The following BCAS3 variants were observed in gnomAD, a reference collection of about 807,000 sequenced individuals.
The protein encoded by BCAS3 is BCAS3 microtubule associated cell migration factor.
In BCAS3, 53 loss-of-function variants were observed where a neutral mutation model predicts 116.1. The observed-to-expected ratio is 0.46, with a 90% confidence interval of 0.37 to 0.57. The LOEUF is 0.57. BCAS3 is among the 20% of genes least tolerant of loss of function. The probability of loss-of-function intolerance (pLI) is 0.00; values close to 1 mark genes in which losing one functional copy is unlikely to be tolerated. For synonymous variants in BCAS3, 391 were observed against 408.2 expected (o/e 0.96, Z 0.51); for missense variants, 917 against 1,165.4 (o/e 0.79, Z 3.10).
intron 7 of BCAS3, among the ~76,000 whole-genome samples, chr17:60,857,627 A>G (rs2053790522): frequency 6.6e-6 from 1 of 152,186 alleles, no homozygotes; most frequent in Non-Finnish European, 1.5e-5. Flanking sequence ...CAGCCTGCCC[A>G]TGAGGAAAAT....
At chr17:60,813,517 T>C (rs568942197) in intron 7 of BCAS3, among the ~76,000 whole-genome samples, 1 of 152,238 alleles carries the variant, frequency 6.6e-6, no homozygotes, top group Non-Finnish European at 1.5e-5. Context: ...TATTAGATAT[T>C]TGTTGGGTGC....
intron 6 of BCAS3, among the ~76,000 whole-genome samples, chr17:60,803,049 G>A (rs1425456850): frequency 6.7e-6 from 1 of 149,052 alleles, no homozygotes; most frequent in Non-Finnish European, 1.5e-5. Flanking sequence ...ACTTACAAGT[G>A]CCCACCTAAA....
intron 6 of BCAS3, among the ~76,000 whole-genome samples, chr17:60,802,716 ACTGCAAACTCTG>A (rs1278169230): frequency 3.3e-5 from 5 of 152,254 alleles, no homozygotes; most frequent in Admixed American, 2.6e-4. Context: ...GTCTGGGCTC[ACTGCAAACTCTG>A]CCTCCTGGGT....
chr17:61,183,494 A>G (rs995657788), intron 22 of BCAS3, among the ~76,000 whole-genome samples: 1 of 152,118 alleles, frequency 6.6e-6, no homozygotes, highest in African/African-American at 2.4e-5. Context: ...ACTCATAAAC[A>G]TATGTTTGTT....
chr17:60,967,913 T>C lies in BCAS3; in HGVS notation c.1221+20561T>C, dbSNP rs2061743528. The stretch of plus-strand genomic sequence containing the variant: ...ATTTTTTCCCAATCTCTTTGTTAAA[T>C]TTCTCTGATAAATTTCTGAATTGCT... On this transcript the variant is annotated intron_variant, in intron 14 of 23. Coordinates refer to ENST00000407086, the MANE Select transcript of BCAS3 (RefSeq NM_017679.5). This position sits in a 1 kb window ranked among gnomAD's most constrained non-coding sequence, Gnocchi z 4.7. Among the ~76,000 whole-genome samples, 1 of 152,198 alleles carries C rather than the reference T, an allele frequency of 6.6e-6. No individual in the cohort carries two copies. Among genetic ancestry groups the C allele is most frequent in the Non-Finnish European group, 1.5e-5 (1 of 68,040 alleles).
In BCAS3 at chr17:61,038,051, T is replaced by C; in HGVS notation, c.1925T>C (p.Val642Ala). Reference protein sequence around the residue: ...MTSPRASWTLVRTPQWNELQP... With the variant: ...MTSPRASWTLARTPQWNELQP... ...TCGCCTCGAGCCAGCTGGACTCTGG[T>C]TAGGTAGTACCTCTTTTCTTTTTTT... Residue 642 changes from valine (V) to alanine (A), a missense_variant, in exon 18 of 24, where the codon GTT (valine) becomes GCT (alanine). This residue lies in a region of BCAS3 where 807 missense variants were observed against 1,026.0 expected (regional missense o/e 0.79). Transcript: ENST00000407086. 6.2e-7 allele frequency: 1 copy of C among 1,613,352 alleles called. No individual in the cohort carries two copies. The highest frequency in any genetic ancestry group is 8.5e-7 in the Non-Finnish European group (1 of 1,179,680).
intron 14 of BCAS3, among the ~76,000 whole-genome samples, chr17:60,949,345 C>T (rs2060706120): frequency 6.6e-6 from 1 of 152,136 alleles, no homozygotes; most frequent in Non-Finnish European, 1.5e-5. Context: ...ACAGCCTTGA[C>T]CTCCTGGGCT....
intron 8 of BCAS3, 35 bp from the exon 9 acceptor site, chr17:60,874,627 T>C: frequency 6.7e-7 from 1 of 1,485,184 alleles, no homozygotes; most frequent in Non-Finnish European, 9.4e-7. Flanking sequence ...CATTCACTTT[T>C]TTTCTTTCTG....
chr17:61,091,362 T>C (rs1032844207), intron 22 of BCAS3, among the ~76,000 whole-genome samples: 1 of 152,252 alleles, frequency 6.6e-6, no homozygotes, highest in Non-Finnish European at 1.5e-5. Context: ...CTGGACTGTT[T>C]ATGTAGTCTG....
chr17:60,904,800 T>G (rs1277147150), intron 11 of BCAS3, among the ~76,000 whole-genome samples: 5 of 152,210 alleles, frequency 3.3e-5, no homozygotes, highest in Non-Finnish European at 7.3e-5. Flanking sequence ...GTCACTGCAA[T>G]CTGTTTACTT....
chr17:60,725,835 GT>G (rs35087520), intron 5 of BCAS3, among the ~76,000 whole-genome samples: 2 of 151,176 alleles, frequency 1.3e-5, no homozygotes, highest in East Asian at 1.9e-4. Context: ...CTGGGGGAGG[GT>G]TTTTTTTTCT....
chr17:60,925,642 G>A (rs1429262769), intron 13 of BCAS3, among the ~76,000 whole-genome samples: 1 of 152,022 alleles, frequency 6.6e-6, no homozygotes, highest in Non-Finnish European at 1.5e-5. Flanking sequence ...TATAGAAAAC[G>A]TTTTCTCTCA....
rs1182924023 is a variant in BCAS3, at chr17:61,287,849, T to C, written c.2426-80478T>C. The stretch of plus-strand genomic sequence containing the variant: ...ATTCACATTTGTTCAGTACATACTA[T>C]GTGCCAAGTATTGTTCTAAGTATTT... On this transcript the variant is annotated intron_variant, in intron 22 of 23. Transcript: ENST00000407086. Among the ~76,000 whole-genome samples the C allele has an allele frequency of 2.0e-5, 3 of 152,258 alleles. No individual in the cohort carries two copies. The East Asian group carries it at 5.8e-4, about 29-fold the overall frequency.
At chr17:60,721,465 A>G (rs1471469546) in intron 5 of BCAS3, among the ~76,000 whole-genome samples, 3 of 152,194 alleles carry the variant, frequency 2.0e-5, no homozygotes, top group Non-Finnish European at 4.4e-5. Flanking sequence ...TTCTTAAAGT[A>G]TCACTCCAGA....
At position 61,037,601 on chromosome 17, in the gene BCAS3, ATC is replaced by A. The variant is rs1198171147; in HGVS notation, c.1763-284_1763-283del. On this transcript the variant is annotated intron_variant, in intron 17 of 23. Coordinates refer to ENST00000407086, the MANE Select transcript of BCAS3 (RefSeq NM_017679.5). The surrounding 1 kb of genome is among the most constrained non-coding windows in gnomAD (Gnocchi z 4.7). The stretch of plus-strand genomic sequence containing the variant: ...AGCCTGACCAACACGGCGAAACCCT[ATC>A]TCTACTAAAAATACAAAAATTAGCC... Among the ~76,000 whole-genome samples the A allele has an allele frequency of 2.6e-5, 4 of 152,068 alleles. No homozygotes were observed. The highest frequency in any genetic ancestry group is 1.3e-4 in the Admixed American group (2 of 15,274).
Position 61,362,830 on chromosome 17 carries a change from T to C in BCAS3, c.2426-5497T>C, listed in dbSNP as rs1299562431. 3 of 152,178 alleles carry C rather than the reference T, an allele frequency of 2.0e-5. No individual in the cohort carries two copies. Among genetic ancestry groups the C allele is most frequent in the Non-Finnish European group, 4.4e-5 (3 of 68,050 alleles). 9.4% of individuals were successfully genotyped at this position (152,178 alleles called of 1,614,324 possible). On this transcript the variant is annotated intron_variant, in intron 22 of 23. Coordinates refer to ENST00000407086, the MANE Select transcript of BCAS3 (RefSeq NM_017679.5). The surrounding 1 kb of genome is among the most constrained non-coding windows in gnomAD (Gnocchi z 4.4). ...TCTAAAATAAGTGCACAGAAGGCAG[T>C]AGAGTAAAATTGTGACATTGTTTTC...
intron 19 of BCAS3, among the ~76,000 whole-genome samples, chr17:61,059,170 C>A (rs1198199387): frequency 7.0e-6 from 1 of 142,472 alleles, no homozygotes; most frequent in Non-Finnish European, 1.5e-5. Flanking sequence ...GCAAGCTCTG[C>A]CTCCTGGGTT....
chr17:61,161,993 A>G lies in BCAS3; in HGVS notation c.2425+77429A>G, dbSNP rs940644314. 6.6e-6 allele frequency among the ~76,000 whole-genome samples: 1 copy of G among 152,194 alleles called. No homozygotes were observed. The highest frequency in any genetic ancestry group is 2.4e-5 in the African/African-American group (1 of 41,450). Reference sequence around the variant, plus strand: ...TGGATTCCTTCTACTAAGAGATCCTAAATTCGTGTTTAATAGCCAGCTAAA... The same window carrying G: ...TGGATTCCTTCTACTAAGAGATCCTGAATTCGTGTTTAATAGCCAGCTAAA... On this transcript the variant is annotated intron_variant, in intron 22 of 23. Transcript: ENST00000407086. This position sits in a 1 kb window ranked among gnomAD's most constrained non-coding sequence, Gnocchi z 4.8.
intron 17 of BCAS3, among the ~76,000 whole-genome samples, chr17:61,035,735 C>T (rs570914414): frequency 2.0e-5 from 3 of 152,204 alleles, no homozygotes; most frequent in South Asian, 2.1e-4. Flanking sequence ...GCCGAAACCT[C>T]GGATGGTACG....
Sources: allele counts gnomAD v4.1 joint callset (sites outside exome capture counted in the v4.1 genomes callset), GRCh38; gene constraint gnomAD v4.1.1; regional missense constraint gnomAD v4.1.1; non-coding constraint Gnocchi (gnomAD v3.1); transcripts MANE v1.5; gene names NCBI Gene and HGNC (gene_info 2026-07-23, HGNC 2026-07-21).